The following PPP1R9B variants were observed in gnomAD, a reference collection of about 807,000 sequenced individuals.
PPP1R9B encodes protein phosphatase 1 regulatory subunit 9B.
PPP1R9B carries 17 observed loss-of-function variants against 75.8 expected under a neutral mutation model. The observed-to-expected ratio is 0.22, with a 90% CI of 0.15 to 0.34. The LOEUF (loss-of-function observed/expected upper bound fraction) is 0.34. Among genes scored for constraint, PPP1R9B ranks in the 10% least tolerant of loss-of-function variants. PPP1R9B has a pLI of 1.00. For synonymous variants in PPP1R9B, 509 were observed against 535.4 expected (o/e 0.95, Z 0.68); for missense variants, 875 against 1,196.0 (o/e 0.73, Z 3.96).
intron 1 of PPP1R9B, among the ~76,000 whole-genome samples, chr17:50,146,480 G>A (rs570221103): frequency 1.6e-4 from 24 of 152,272 alleles, no homozygotes; most frequent in Admixed American, 3.3e-4. Flanking sequence ...AGACCTTGTG[G>A]GCACCCTGGT....
intron 8 of PPP1R9B, 148 bp from the exon 9 acceptor site, chr17:50,135,797 G>T (rs1378678903): frequency 1.1e-6 from 1 of 882,190 alleles, no homozygotes; most frequent in Non-Finnish European, 1.7e-6. Flanking sequence ...AGCCTCTGGG[G>T]GTCTGGCTCT....
chr17:50,148,940 C>A (rs1912593569), intron 1 of PPP1R9B, among the ~76,000 whole-genome samples: 1 of 152,050 alleles, frequency 6.6e-6, no homozygotes, highest in Non-Finnish European at 1.5e-5. Context: ...GGGCAGGCCA[C>A]CCCCCTCGCA....
At chr17:50,137,828 G>C (rs1912268292) in intron 7 of PPP1R9B, among the ~76,000 whole-genome samples, 1 of 152,116 alleles carries the variant, frequency 6.6e-6, no homozygotes, top group Admixed American at 6.6e-5. Context: ...GCCACCTCCT[G>C]ACTGGCCTCC....
At position 50,139,531 on chromosome 17, in the gene PPP1R9B, C is replaced by G. The variant is rs181046903; in HGVS notation, c.1917G>C (p.Pro639=). The part of the protein sequence containing the change: ...DEDEELSPTF[P]GGEMAIEVFE... ...ACACCTCGATGGCCATCTCACCACC[C>G]GGGAACGTGGGGCTCAGCTCCTCAT... is the stretch of plus-strand genomic sequence containing the variant. The change falls in exon 6 of 10, where the codon CCG becomes CCC. Residue 639 remains proline (P), a synonymous_variant. Coordinates refer to ENST00000612501, the MANE Select transcript of PPP1R9B (RefSeq NM_032595.5). The surrounding 1 kb of genome is among the most constrained non-coding windows in gnomAD (Gnocchi z 5.0). 13 of 1,595,126 alleles carry G rather than the reference C, an allele frequency of 8.1e-6. No homozygotes were observed. Among genetic ancestry groups the G allele is most frequent in the Non-Finnish European group, 1.0e-5 (12 of 1,169,218 alleles).
chr17:50,135,666 G>C lies in PPP1R9B; in HGVS notation c.2304-17C>G. On this transcript the variant is annotated splice_polypyrimidine_tract_variant and intron_variant, in intron 8 of 9. Transcript: ENST00000612501. The stretch of plus-strand genomic sequence containing the variant: ...TCGATCTCCCTGGGCACAGGCAAGG[G>C]ACAGATGGCAGGTAAGGGTGTGTGG... The C allele has an allele frequency of 6.3e-7, 1 of 1,588,354 alleles. No homozygotes were observed. Among genetic ancestry groups the C allele is most frequent in the Non-Finnish European group, 8.6e-7 (1 of 1,165,496 alleles).
intron 7 of PPP1R9B, among the ~76,000 whole-genome samples, chr17:50,136,926 C>G (rs1912248042): frequency 6.6e-6 from 1 of 152,178 alleles, no homozygotes; most frequent in Non-Finnish European, 1.5e-5. Flanking sequence ...AAACCTATGC[C>G]TCCTTTCCTG....
chr17:50,135,471 C>T lies in PPP1R9B; in HGVS notation c.2400+82G>A, dbSNP rs922953116. 7 of 1,573,914 alleles carry T rather than the reference C, an allele frequency of 4.4e-6. No individual in the cohort carries two copies. The African/African-American group carries it at 6.8e-5, about 15-fold the overall frequency. On this transcript the variant is annotated intron_variant, in intron 9 of 9. Coordinates refer to ENST00000612501, the MANE Select transcript of PPP1R9B (RefSeq NM_032595.5). ...CGCCCCCCGGTGAGGACATGGCATC[C>T]CCTCCCTCCAGGACCCACAGGGTAG...
Position 50,135,950 on chromosome 17 carries a change from C to T in PPP1R9B, c.2303+18G>A, listed in dbSNP as rs1305512874. ...CAATGCTCCCTGGGCCCAGCCCGCC[C>T]AGCCCCCAGCCACGTACTTCTGCTG... On this transcript the variant is annotated intron_variant, in intron 8 of 9. Transcript: ENST00000612501. 2 of 1,494,622 alleles carry T rather than the reference C, an allele frequency of 1.3e-6. No homozygotes were observed. The highest frequency in any genetic ancestry group is 1.8e-6 in the Non-Finnish European group (2 of 1,096,718). 92.6% of individuals were successfully genotyped at this position (1,494,622 alleles called of 1,614,324 possible).
chr17:50,149,752 CG>C lies in PPP1R9B; in HGVS notation c.761del (p.Pro254ArgfsTer65). The stretch of plus-strand genomic sequence containing the variant: ...CCGACGGGGCGGGCGGCGGCGGCGG[CG>C]GGGGCTGGAACACCCGGGACCGCTT... ...VSKRSRVFQP[P>X]PPPPPAPSGD... On this transcript the variant is annotated frameshift_variant, in exon 1 of 10. Transcript: ENST00000612501. LOFTEE classifies it high-confidence loss of function. The surrounding 1 kb of genome is among the most constrained non-coding windows in gnomAD (Gnocchi z 7.2). 7.1e-7 allele frequency: 1 copy of C among 1,401,194 alleles called. No homozygotes were observed. The highest frequency in any genetic ancestry group is 9.2e-7 in the Non-Finnish European group (1 of 1,086,782). 86.8% of individuals were successfully genotyped at this position (1,401,194 alleles called of 1,614,324 possible). A position where few individuals can be genotyped will look rare whatever the true frequency, so the allele number is the denominator to read the frequency against.
chr17:50,145,790 G>C (rs952992227), intron 1 of PPP1R9B, among the ~76,000 whole-genome samples: 3 of 152,058 alleles, frequency 2.0e-5, no homozygotes, highest in African/African-American at 7.2e-5. Flanking sequence ...GGGTGGAAGG[G>C]GAGAGGTACC....
intron 8 of PPP1R9B, 132 bp downstream of exon 8, chr17:50,135,836 G>T: frequency 2.3e-6 from 2 of 886,028 alleles, no homozygotes; most frequent in Non-Finnish European, 1.7e-6. Context: ...GGTCATTCCG[G>T]ACCGGGTGTC....
At position 50,141,283 on chromosome 17, in the gene PPP1R9B, G is replaced by C. The variant is rs770100473; in HGVS notation, c.1716C>G (p.Thr572=). 6.3e-7 allele frequency: 1 copy of C among 1,583,220 alleles called. No individual in the cohort carries two copies. Among genetic ancestry groups the C allele is most frequent in the Non-Finnish European group, 8.6e-7 (1 of 1,165,798 alleles). ...QSFAASVLRN[T]KGRVRFMIGR... is the part of the protein sequence containing the mutation. Reference sequence around the variant, plus strand: ...TGGGCTCTCACCGCACTCGGCCCTTGGTGTTCCGGAGCACAGACGCCGCGA... The same window carrying C: ...TGGGCTCTCACCGCACTCGGCCCTTCGTGTTCCGGAGCACAGACGCCGCGA... Residue 572 remains threonine, a synonymous_variant, in exon 4 of 10, where the codon ACC becomes ACG. Coordinates refer to ENST00000612501, the MANE Select transcript of PPP1R9B (RefSeq NM_032595.5).
At position 50,142,667 on chromosome 17, in the gene PPP1R9B, A is replaced by G. The variant is rs891462837; in HGVS notation, c.1625+931T>C. 1.3e-5 allele frequency among the ~76,000 whole-genome samples: 2 copies of G among 151,922 alleles called. No individual in the cohort carries two copies. Among genetic ancestry groups the G allele is most frequent in the Non-Finnish European group, 2.9e-5 (2 of 67,954 alleles). On this transcript the variant is annotated intron_variant, in intron 3 of 9. Coordinates refer to ENST00000612501, the MANE Select transcript of PPP1R9B (RefSeq NM_032595.5). This position sits in a 1 kb window ranked among gnomAD's most constrained non-coding sequence, Gnocchi z 4.1. ...CCAATGTCACCTCTAACTTACAGCCACCCTGGGGGATGCCCTACAGCCCTT... is the reference window on the plus strand; with the variant it reads ...CCAATGTCACCTCTAACTTACAGCCGCCCTGGGGGATGCCCTACAGCCCTT...
chr17:50,138,364 A>G (rs1912284410), intron 7 of PPP1R9B, among the ~76,000 whole-genome samples: 1 of 152,134 alleles, frequency 6.6e-6, no homozygotes, highest in Non-Finnish European at 1.5e-5. Context: ...CCAGGCTGAT[A>G]GCCTCGAGTG....
chr17:50,149,134 C>T lies in PPP1R9B; in HGVS notation c.1371+9G>A. On this transcript the variant is annotated intron_variant, in intron 1 of 9. Coordinates refer to ENST00000612501, the MANE Select transcript of PPP1R9B (RefSeq NM_032595.5). The surrounding 1 kb of genome is among the most constrained non-coding windows in gnomAD (Gnocchi z 7.2). ...GCGGCGCGGGGGCAGGGCGGGGGGG[C>T]TCACTTACTTGGATGGGCGCCGTGC... 7.0e-7 allele frequency: 1 copy of T among 1,428,564 alleles called. No individual in the cohort carries two copies. Among genetic ancestry groups the T allele is most frequent in the Non-Finnish European group, 9.2e-7 (1 of 1,087,338 alleles). The allele number at this position is 1,428,564 out of a possible 1,614,324, so 88.5% of individuals were successfully genotyped here. A position where few individuals can be genotyped will look rare whatever the true frequency, so the allele number is the denominator to read the frequency against.
rs760868042 is a variant in PPP1R9B, at chr17:50,143,724, G to C, written c.1505-6C>G. 2 of 1,613,742 alleles carry C rather than the reference G, an allele frequency of 1.2e-6. No individual in the cohort carries two copies. The highest frequency in any genetic ancestry group is 1.7e-6 in the Non-Finnish European group (2 of 1,179,876). On this transcript the variant is annotated splice_region_variant and splice_polypyrimidine_tract_variant and intron_variant, in intron 2 of 9. Transcript: ENST00000612501. ...GATGCCCAGGCCCTCGGAGTCTGTGGAACAGAGAGTGGTGAGATGGCAGGG... is the reference window on the plus strand; with the variant it reads ...GATGCCCAGGCCCTCGGAGTCTGTGCAACAGAGAGTGGTGAGATGGCAGGG...
Position 50,143,822 on chromosome 17 carries a change from C to T in PPP1R9B, c.1505-104G>A, listed in dbSNP as rs1912448890. The T allele has an allele frequency of 2.7e-6, 4 of 1,480,052 alleles. No individual in the cohort carries two copies. In the East Asian group the frequency reaches 9.1e-5, roughly 34 times the overall value. The allele number at this position is 1,480,052 out of a possible 1,614,324, so 91.7% of individuals were successfully genotyped here. A position where few individuals can be genotyped will look rare whatever the true frequency, so the allele number is the denominator to read the frequency against. On this transcript the variant is annotated intron_variant, in intron 2 of 9. Coordinates refer to ENST00000612501, the MANE Select transcript of PPP1R9B (RefSeq NM_032595.5). ...AGCCCCCCCATCAGGAAGCAGTCCC[C>T]ATTAGGGGATGTCCCACAACTGAAG...
intron 1 of PPP1R9B, among the ~76,000 whole-genome samples, chr17:50,145,763 GAGGAGGGGAGC>G (rs1213958302): frequency 6.6e-6 from 1 of 151,984 alleles, no homozygotes; most frequent in Non-Finnish European, 1.5e-5. Flanking sequence ...GACAGAAGAG[GAGGAGGGGAGC>G]AGGAGGGGTG....
At chr17:50,148,562 C>T (rs1370877275) in intron 1 of PPP1R9B, among the ~76,000 whole-genome samples, 1 of 152,216 alleles carries the variant, frequency 6.6e-6, no homozygotes. Context: ...CTCACCCTCA[C>T]GATCTGCTTC....
Sources: gnomAD v4.1 joint callset for allele counts (sites outside exome capture counted in the v4.1 genomes callset) on GRCh38, gnomAD v4.1.1 for gene constraint, Gnocchi (gnomAD v3.1) non-coding constraint, MANE v1.5 for transcripts, NCBI Gene and HGNC (gene_info 2026-07-23, HGNC 2026-07-21) for gene names.